Variants in INSYN2B observed in about 807,000 individuals in gnomAD.
INSYN2B encodes the protein protein INSYN2B.
In INSYN2B, 16 loss-of-function variants were observed where a neutral mutation model predicts 41.2. That is an observed-to-expected ratio of 0.39 (90% CI 0.26 to 0.59). INSYN2B has a LOEUF of 0.59. INSYN2B is among the 20% of genes least tolerant of loss of function. INSYN2B has a pLI of 0.57. For synonymous variants in INSYN2B, 245 were observed against 244.4 expected (o/e 1.00, Z -0.02); for missense variants, 608 against 646.4 (o/e 0.94, Z 0.64).
At chr5:169,894,310 A>G (rs1481177302) in intron 1 of INSYN2B, among the ~76,000 whole-genome samples, 2 of 152,230 alleles carry the variant, frequency 1.3e-5, no homozygotes, top group East Asian at 3.8e-4. Context: ...AATGGAGGCC[A>G]GAAGAAGCTG....
intron 1 of INSYN2B, among the ~76,000 whole-genome samples, chr5:169,929,011 G>A (rs1775614063): frequency 6.6e-6 from 1 of 152,176 alleles, no homozygotes; most frequent in African/African-American, 2.4e-5. Flanking sequence ...TATGTGTTCT[G>A]TTCATCTTTG....
Position 169,872,346 on chromosome 5 carries a change from C to T in INSYN2B, c.1422-7887G>A, listed in dbSNP as rs184790052. Among the ~76,000 whole-genome samples, 19 of 152,294 alleles carry T rather than the reference C, an allele frequency of 1.2e-4. No individual in the cohort carries two copies. The East Asian group carries it at 3.1e-3, about 25-fold the overall frequency. The stretch of plus-strand genomic sequence containing the variant: ...CATCTCTGGGGAAGAATTACAGTCT[C>T]GGATCACAGGAACTTTAGTTTGTAT... On this transcript the variant is annotated intron_variant, in intron 3 of 3. Transcript: ENST00000377365.
Position 169,958,118 on chromosome 5 carries a change from A to G in INSYN2B, c.-919+22159T>C, listed in dbSNP as rs144988485. 3.9e-5 allele frequency among the ~76,000 whole-genome samples: 6 copies of G among 152,334 alleles called. No individual in the cohort carries two copies. In the East Asian group the frequency reaches 1.2e-3, roughly 29 times the overall value. ...TGCAAGTGTGAAACATGACGTCCAC[A>G]TGCACATAGAAGGACAAAACACAGT... On this transcript the variant is annotated intron_variant, in intron 1 of 3. Coordinates refer to ENST00000377365, the MANE Select transcript of INSYN2B (RefSeq NM_001129891.3).
intron 1 of INSYN2B, among the ~76,000 whole-genome samples, chr5:169,945,093 A>G (rs1776391837): frequency 6.6e-6 from 1 of 152,236 alleles, no homozygotes; most frequent in South Asian, 2.1e-4. Context: ...TTCTCAGATT[A>G]GGGAACCGAC....
rs567587291 is a variant in INSYN2B at position 169,886,230 on chromosome 5, G to A, written c.-918-1414C>T. On this transcript the variant is annotated intron_variant, in intron 1 of 3. Transcript: ENST00000377365. The stretch of plus-strand genomic sequence containing the variant: ...CAGAATGAGCAGAGTTTCATGAGCA[G>A]GTGGTTCCTCATTTGCCTTGCCTGT... 5.3e-4 allele frequency among the ~76,000 whole-genome samples: 80 copies of A among 152,340 alleles called. 1 individual carries two copies. The highest frequency in any genetic ancestry group is 1.9e-3 in the African/African-American group (78 of 41,570).
At chr5:169,979,335 A>G (rs141483936) in intron 1 of INSYN2B, among the ~76,000 whole-genome samples, 157 of 152,328 alleles carry the variant, frequency 1.0e-3, no homozygotes, top group African/African-American at 3.5e-3. Flanking sequence ...AATTTAAGAC[A>G]TGGTGGATAT....
At chr5:169,905,024 A>G (rs529732250) in intron 1 of INSYN2B, among the ~76,000 whole-genome samples, 1 of 152,322 alleles carries the variant, frequency 6.6e-6, no homozygotes, top group East Asian at 1.9e-4. Flanking sequence ...TATGAAAATG[A>G]AGATAGTAGT....
chr5:169,925,578 T>TAAA lies in INSYN2B; in HGVS notation c.-918-40763_-918-40762insTTT, dbSNP rs1561828965. Among the ~76,000 whole-genome samples the TAAA allele has an allele frequency of 7.0e-3, 227 of 32,296 alleles. 63 individuals carry two copies. Among genetic ancestry groups the TAAA allele is most frequent in the Middle Eastern group, 0.031 (2 of 64 alleles). 21.2% of individuals were successfully genotyped at this position (32,296 alleles called of 152,430 possible). A position where few individuals can be genotyped will look rare whatever the true frequency, so the allele number is the denominator to read the frequency against. ...CTGGGCGACAGAGCAAGACTCTGTC[T>TAAA]TAAAAAAAAAAAAAAAAAAAAAAAA... On this transcript the variant is annotated intron_variant, in intron 1 of 3. Coordinates refer to ENST00000377365, the MANE Select transcript of INSYN2B (RefSeq NM_001129891.3).
intron 1 of INSYN2B, among the ~76,000 whole-genome samples, chr5:169,936,578 CTTTT>C (rs4041977): frequency 8.1e-6 from 1 of 122,828 alleles, no homozygotes; most frequent in African/African-American, 3.2e-5. Context: ...TCTCAGACTC[CTTTT>C]TTTTTTTTTT....
intron 1 of INSYN2B, among the ~76,000 whole-genome samples, chr5:169,975,833 C>T (rs1777698815): frequency 6.6e-6 from 1 of 152,210 alleles, no homozygotes; most frequent in African/African-American, 2.4e-5. Flanking sequence ...AGAACAAAGC[C>T]TTTGGTAACC....
chr5:169,940,133 C>T (rs577201679), intron 1 of INSYN2B, among the ~76,000 whole-genome samples: 133 of 152,244 alleles, frequency 8.7e-4, no homozygotes, highest in African/African-American at 2.9e-3. Flanking sequence ...ATTGAAGTAG[C>T]GCCTTCTTCC....
At chr5:169,931,127 A>T (rs1254031891) in intron 1 of INSYN2B, among the ~76,000 whole-genome samples, 2 of 152,126 alleles carry the variant, frequency 1.3e-5, no homozygotes, top group Non-Finnish European at 2.9e-5. Flanking sequence ...TGCTACTAAC[A>T]CCCTTGATCT....
intron 3 of INSYN2B, among the ~76,000 whole-genome samples, chr5:169,870,215 T>C (rs954705568): frequency 6.6e-6 from 1 of 152,094 alleles, no homozygotes; most frequent in Non-Finnish European, 1.5e-5. Context: ...AAACCAGAAA[T>C]GGTAAGAACT....
intron 1 of INSYN2B, among the ~76,000 whole-genome samples, chr5:169,888,669 A>G (rs1773111685): frequency 6.6e-6 from 1 of 152,210 alleles, no homozygotes; most frequent in Non-Finnish European, 1.5e-5. Context: ...TACGTAGATG[A>G]GACTCTTCCA....
intron 1 of INSYN2B, among the ~76,000 whole-genome samples, chr5:169,886,379 A>T (rs908731691): frequency 6.6e-6 from 1 of 152,220 alleles, no homozygotes; most frequent in South Asian, 2.1e-4. Flanking sequence ...AATTGGTTCT[A>T]TGTTTCAATG....
chr5:169,975,508 C>G (rs944643598), intron 1 of INSYN2B, among the ~76,000 whole-genome samples: 13 of 152,176 alleles, frequency 8.5e-5, no homozygotes, highest in African/African-American at 3.1e-4. Flanking sequence ...ACCTTTCCAC[C>G]ACACTGAACT....
chr5:169,866,379 A>T lies in INSYN2B; in HGVS notation c.1422-1920T>A, dbSNP rs116900337. On this transcript the variant is annotated intron_variant, in intron 3 of 3. Coordinates refer to ENST00000377365, the MANE Select transcript of INSYN2B (RefSeq NM_001129891.3). Reference sequence around the variant, plus strand: ...CAGTTTCACTGTGAGATCTTGGGGAAGTCATTTCCCACTTCCAGGCTATGG... The same window carrying T: ...CAGTTTCACTGTGAGATCTTGGGGATGTCATTTCCCACTTCCAGGCTATGG... Among the ~76,000 whole-genome samples, 88 of 152,332 alleles carry T rather than the reference A, an allele frequency of 5.8e-4. No homozygotes were observed. In the East Asian group the frequency reaches 0.013, roughly 22 times the overall value.
intron 1 of INSYN2B, among the ~76,000 whole-genome samples, chr5:169,972,547 A>G (rs1018430304): frequency 3.2e-5 from 2 of 62,322 alleles, no homozygotes; most frequent in Admixed American, 1.8e-4. Flanking sequence ...TGAGACAGAT[A>G]GATAGATAGA....
At chr5:169,874,571 G>A (rs1772202572) in intron 3 of INSYN2B, among the ~76,000 whole-genome samples, 2 of 152,176 alleles carry the variant, frequency 1.3e-5, no homozygotes, top group Admixed American at 6.5e-5. Context: ...AAGTGGGAAT[G>A]TAGTGGTAAT....
Sources: gnomAD v4.1 joint callset for allele counts (sites outside exome capture counted in the v4.1 genomes callset) on GRCh38, gnomAD v4.1.1 for gene constraint, MANE v1.5 for transcripts, NCBI Gene and HGNC (gene_info 2026-07-23, HGNC 2026-07-21) for gene names.